USP7: variants seen among roughly 807,000 people sequenced by gnomAD.
USP7 encodes the protein ubiquitin C-terminal hydrolase 7.
USP7 carries 9 observed loss-of-function variants against 162.9 expected under a neutral mutation model. That is an observed-to-expected ratio of 0.06 (90% CI 0.03 to 0.10). The LOEUF (loss-of-function observed/expected upper bound fraction) is 0.10. Ranked by LOEUF, USP7 falls within the 10% of genes least tolerant of loss-of-function variation. The probability of loss-of-function intolerance (pLI) is 1.00; values close to 1 mark genes in which losing one functional copy is unlikely to be tolerated. For synonymous variants in USP7, 562 were observed against 475.9 expected (o/e 1.18, Z -2.35); for missense variants, 715 against 1,373.7 (o/e 0.52, Z 7.58).
intron 10 of USP7, among the ~76,000 whole-genome samples, chr16:8,911,986 A>T (rs549832581): frequency 1.6e-4 from 25 of 152,330 alleles, no homozygotes; most frequent in African/African-American, 6.0e-4. Context: ...GGGACAGGTT[A>T]TCCCTCAAGT....
At chr16:8,914,858 G>A (rs1024067131) in intron 10 of USP7, among the ~76,000 whole-genome samples, 12 of 152,202 alleles carry the variant, frequency 7.9e-5, no homozygotes, top group African/African-American at 2.9e-4. Context: ...GTTCGAGGCT[G>A]CACTGAGCTA....
intron 1 of USP7, among the ~76,000 whole-genome samples, chr16:8,941,578 C>A (rs1019512050): frequency 6.6e-6 from 1 of 152,236 alleles, no homozygotes; most frequent in African/African-American, 2.4e-5. Context: ...ACGATAGCAA[C>A]ATCAGAGTGT....
chr16:8,897,207 T>C (rs1218933649), intron 25 of USP7, 108 bp from the exon 26 acceptor site: 1 of 836,022 alleles, frequency 1.2e-6, no homozygotes, highest in Non-Finnish European at 2.0e-6. Flanking sequence ...TGTCCCCAGC[T>C]GGCCCCCATG....
At chr16:8,894,668 C>T (rs766464272) in intron 29 of USP7, 28 bp from the exon 30 acceptor site, 26 of 1,611,310 alleles carry the variant, frequency 1.6e-5, no homozygotes, top group Admixed American at 1.2e-4. Context: ...AAAACTCCTC[C>T]GTTATTTCTG....
At chr16:8,955,704 CAAAAAA>C (rs58029349) in intron 1 of USP7, among the ~76,000 whole-genome samples, 2 of 100,974 alleles carry the variant, frequency 2.0e-5, no homozygotes, top group Non-Finnish European at 3.9e-5. Flanking sequence ...GATTCCATCT[CAAAAAA>C]AAAAAAAAAA....
At chr16:8,946,061 C>T (rs1008451647) in intron 1 of USP7, among the ~76,000 whole-genome samples, 2 of 152,110 alleles carry the variant, frequency 1.3e-5, no homozygotes, top group Admixed American at 6.6e-5. Flanking sequence ...AGCAATTCAA[C>T]GGACAAAGAC....
chr16:8,956,954 T>C (rs1392943681), intron 1 of USP7, among the ~76,000 whole-genome samples: 1 of 151,992 alleles, frequency 6.6e-6, no homozygotes, highest in African/African-American at 2.4e-5. Context: ...CAGGGTGCCT[T>C]CTCCCAGACA....
Position 8,893,807 on chromosome 16 carries a change from T to C in USP7, c.*191A>G. 1.7e-6 allele frequency: 1 copy of C among 575,070 alleles called. No homozygotes were observed. The highest frequency in any genetic ancestry group is 3.1e-6 in the Non-Finnish European group (1 of 320,306). 35.6% of individuals were successfully genotyped at this position (575,070 alleles called of 1,614,324 possible). On this transcript the variant is annotated 3_prime_UTR_variant, in exon 31 of 31. Coordinates refer to ENST00000344836, the MANE Select transcript of USP7 (RefSeq NM_003470.3). ...GGCATCCAAGCTTTATAAAAACATCTTCATTTTGCTCAAAAAGGGCAGTCA... is the reference window on the plus strand; with the variant it reads ...GGCATCCAAGCTTTATAAAAACATCCTCATTTTGCTCAAAAAGGGCAGTCA...
At chr16:8,955,383 T>A (rs947730891) in intron 1 of USP7, among the ~76,000 whole-genome samples, 1 of 151,830 alleles carries the variant, frequency 6.6e-6, no homozygotes, top group Non-Finnish European at 1.5e-5. Context: ...GTGCTGGGAT[T>A]ACAGGCATAA....
intron 1 of USP7, among the ~76,000 whole-genome samples, chr16:8,942,540 A>AT (rs1429565934): frequency 6.6e-6 from 1 of 152,114 alleles, no homozygotes; most frequent in Non-Finnish European, 1.5e-5. Flanking sequence ...TATTAACAAT[A>AT]TTTGGCTTAC....
At chr16:8,906,396 T>C (rs1387166985) in intron 13 of USP7, 30 bp downstream of exon 13, 8 of 1,600,506 alleles carry the variant, frequency 5.0e-6, no homozygotes, top group East Asian at 2.2e-5. Context: ...TCTGATGAGC[T>C]TGCATTCAGC....
intron 6 of USP7, among the ~76,000 whole-genome samples, chr16:8,917,781 T>C (rs1897454932): frequency 6.6e-6 from 1 of 152,092 alleles, no homozygotes; most frequent in African/African-American, 2.4e-5. Context: ...TGGAGCACCA[T>C]TTCTTTTTTT....
At chr16:8,910,027 G>C (rs1020842034) in intron 11 of USP7, among the ~76,000 whole-genome samples, 19 of 152,120 alleles carry the variant, frequency 1.2e-4, no homozygotes, top group Non-Finnish European at 2.1e-4. Flanking sequence ...CTACAAAATG[G>C]GTACACAGGC....
intron 1 of USP7, among the ~76,000 whole-genome samples, chr16:8,934,810 C>T (rs1232566617): frequency 2.4e-4 from 37 of 152,190 alleles, no homozygotes; most frequent in Non-Finnish European, 4.4e-5. Context: ...TCCCGGCCAC[C>T]AACAGCCCTA....
chr16:8,919,827 G>C (rs1178368294), intron 5 of USP7, among the ~76,000 whole-genome samples: 1 of 152,054 alleles, frequency 6.6e-6, no homozygotes, highest in Non-Finnish European at 1.5e-5. Context: ...TGCTGGGGGA[G>C]ACACCTACTG....
chr16:8,956,836 C>A (rs1899832063), intron 1 of USP7, among the ~76,000 whole-genome samples: 1 of 152,084 alleles, frequency 6.6e-6, no homozygotes, highest in Non-Finnish European at 1.5e-5. Flanking sequence ...AGTAAGAGCC[C>A]AGCCCCCCCG....
chr16:8,895,832 A>C (rs1596347772), intron 26 of USP7, 91 bp from the exon 27 acceptor site: 26 of 835,538 alleles, frequency 3.1e-5, no homozygotes, highest in South Asian at 3.6e-5. Flanking sequence ...TAAAGTTACC[A>C]CGATATGTTT....
chr16:8,922,500 G>A (rs1352135972), intron 3 of USP7, among the ~76,000 whole-genome samples: 1 of 152,102 alleles, frequency 6.6e-6, no homozygotes, highest in Non-Finnish European at 1.5e-5. Context: ...TATTCCCTGG[G>A]GGATCTGACA....
chr16:8,955,289 G>C (rs1431623360), intron 1 of USP7, among the ~76,000 whole-genome samples: 1 of 152,204 alleles, frequency 6.6e-6, no homozygotes, highest in African/African-American at 2.4e-5. Flanking sequence ...TCTCACCCCA[G>C]GCTAGAGTGC....
Sources: gnomAD v4.1 joint callset for allele counts (sites outside exome capture counted in the v4.1 genomes callset) on GRCh38, gnomAD v4.1.1 for gene constraint, MANE v1.5 for transcripts, NCBI Gene and HGNC (gene_info 2026-07-23, HGNC 2026-07-21) for gene names.